PXK: variants seen among roughly 807,000 people sequenced by gnomAD.
The protein encoded by PXK is PX domain containing serine/threonine kinase like.
PXK carries 35 observed loss-of-function variants against 84.7 expected under a neutral mutation model. That is an observed-to-expected ratio of 0.41 (90% CI 0.32 to 0.55). The LOEUF (loss-of-function observed/expected upper bound fraction) is 0.55, where lower values mean the gene tolerates loss of function less well. Ranked by LOEUF, PXK falls within the 20% of genes least tolerant of loss-of-function variation. The pLI, the probability that PXK is intolerant of heterozygous loss-of-function variation, is 0.21. For synonymous variants in PXK, 253 were observed against 260.8 expected, an observed-to-expected ratio of 0.97 and a Z score of 0.29; for missense variants, 634 against 699.7, an observed-to-expected ratio of 0.91 and a Z score of 1.06.
chr3:58,372,101 A>G (rs915081915), intron 3 of PXK, among the ~76,000 whole-genome samples: 3 of 152,196 alleles, frequency 2.0e-5, no homozygotes, highest in Non-Finnish European at 2.9e-5. Flanking sequence ...AAAAAGCAGA[A>G]TGCAAAATTA....
chr3:58,374,043 CA>C lies in PXK; in HGVS notation c.201+4582del, dbSNP rs771908415. On this transcript the variant is annotated intron_variant, in intron 3 of 17. Transcript: ENST00000356151. ...ATGGCGACAGAGCGAGACTCCGTCT[CA>C]AAAAAAAAAAAAAAAAGTTTTCCCT... Among the ~76,000 whole-genome samples the C allele has an allele frequency of 9.5e-3, 829 of 87,662 alleles. 2 individuals carry two copies. The highest frequency in any genetic ancestry group is 0.026 in the African/African-American group (550 of 21,048). The allele number at this position is 87,662 out of a possible 152,430, so 57.5% of individuals were successfully genotyped here.
rs1163590885 is a variant in PXK, at chr3:58,378,121, GA to G, written c.202-4389del. 5.3e-5 allele frequency among the ~76,000 whole-genome samples: 8 copies of G among 152,166 alleles called. 1 individual carries two copies. Among genetic ancestry groups the G allele is most frequent in the African/African-American group, 1.9e-4 (8 of 41,442 alleles). On this transcript the variant is annotated intron_variant, in intron 3 of 17. Transcript: ENST00000356151. ...TAGGCTGGGGTATGCAGGCACATTT[GA>G]AAACATGTACGTACTATACGTGAGG... is the stretch of plus-strand genomic sequence containing the variant.
intron 1 of PXK, among the ~76,000 whole-genome samples, chr3:58,339,385 A>G (rs2097688279): frequency 6.6e-6 from 1 of 151,710 alleles, no homozygotes; most frequent in Admixed American, 6.6e-5. Flanking sequence ...GCCACGTACC[A>G]TGCTCGGCTA....
At chr3:58,366,561 C>T (rs954335738) in intron 2 of PXK, among the ~76,000 whole-genome samples, 8 of 152,274 alleles carry the variant, frequency 5.3e-5, no homozygotes, top group African/African-American at 1.4e-4. Flanking sequence ...TCCACCTCCC[C>T]GCAACACTTC....
Position 58,390,645 on chromosome 3 carries a change from C to A in PXK, c.452C>A (p.Pro151His). ...GAACCAAAGTGGGAGGTGGTGGAAC[C>A]TTTGAAAGACATAGGTGAGACATTG... ...RSEPKWEVVE[P>H]LKDIGWRIRK... Residue 151 changes from proline to histidine, a missense_variant, in exon 5 of 18, where the codon CCT becomes CAT. Physicochemically the swap from Pro to His is moderately conservative, Grantham distance 77. Around this residue, in one of 3 missense-constraint regions of PXK, gnomAD observed 353 missense variants for 385.2 expected, o/e 0.92. Transcript: ENST00000356151. The surrounding 1 kb of genome is among the most constrained non-coding windows in gnomAD (Gnocchi z 4.2). 6.2e-7 allele frequency: 1 copy of A among 1,611,624 alleles called. No individual in the cohort carries two copies. Among genetic ancestry groups the A allele is most frequent in the South Asian group, 1.1e-5 (1 of 90,764 alleles).
chr3:58,341,059 G>T (rs1368302283), intron 1 of PXK, among the ~76,000 whole-genome samples: 2 of 151,406 alleles, frequency 1.3e-5, no homozygotes, highest in African/African-American at 4.9e-5. Context: ...GGAAGTTAAA[G>T]TTGACTCCTC....
chr3:58,382,883 TAA>T (rs1198750798), intron 4 of PXK, among the ~76,000 whole-genome samples, 183 bp downstream of exon 4: 1 of 152,222 alleles, frequency 6.6e-6, no homozygotes, highest in African/African-American at 2.4e-5. Flanking sequence ...AAGAAGAAAA[TAA>T]GTTACTTCCA....
intron 1 of PXK, among the ~76,000 whole-genome samples, chr3:58,334,973 G>C (rs2097564378): frequency 1.3e-5 from 2 of 148,578 alleles, no homozygotes; most frequent in African/African-American, 2.5e-5. Flanking sequence ...GTGTGTGTGT[G>C]TGTGTGTGTG....
intron 13 of PXK, among the ~76,000 whole-genome samples, chr3:58,406,431 C>G (rs919203284): frequency 6.6e-6 from 1 of 151,602 alleles, no homozygotes; most frequent in Non-Finnish European, 1.5e-5. Flanking sequence ...GCGCGTACCA[C>G]CACACCCTGC....
At position 58,397,041 on chromosome 3, in the gene PXK, A is replaced by G. The variant is rs374387658; in HGVS notation, c.825A>G (p.Val275=). The G allele has an allele frequency of 1.2e-6, 2 of 1,613,772 alleles. No individual in the cohort carries two copies. Among genetic ancestry groups the G allele is most frequent in the African/African-American group, 2.7e-5 (2 of 74,940 alleles). ...IKTYGRQILE[V]LKFLHDKGFP... ...AACTTTCCCATATGTTTTGATAGGT[A>G]CTGAAGTTTCTTCATGACAAGGGAT... The change falls in exon 10 of 18, where the codon GTA becomes GTG. Residue 275 remains valine (V), a splice_region_variant and synonymous_variant. Coordinates refer to ENST00000356151, the MANE Select transcript of PXK (RefSeq NM_017771.5). This position sits in a 1 kb window ranked among gnomAD's most constrained non-coding sequence, Gnocchi z 4.7.
chr3:58,351,555 C>G (rs575825793), intron 1 of PXK, among the ~76,000 whole-genome samples: 38 of 152,184 alleles, frequency 2.5e-4, no homozygotes, highest in Middle Eastern at 6.8e-3. Flanking sequence ...GCCACCGTGC[C>G]TGGCCAGGAT....
At chr3:58,378,506 TTTTTTTTGTGTGTGTGTGTG>T in intron 3 of PXK, among the ~76,000 whole-genome samples, 1 of 66,452 alleles carries the variant, frequency 1.5e-5, no homozygotes. Context: ...TTTTTTTTTT[TTTTTTTTGTGTGTGTGTGTG>T]TGTGTGTGTG....
chr3:58,339,314 T>G (rs1365085695), intron 1 of PXK, among the ~76,000 whole-genome samples: 1 of 151,032 alleles, frequency 6.6e-6, no homozygotes, highest in East Asian at 2.0e-4. Flanking sequence ...CACTGCAATC[T>G]CCGCCTCCCA....
chr3:58,387,580 T>C lies in PXK; in HGVS notation c.389-3002T>C, dbSNP rs147409730. 6.5e-3 allele frequency among the ~76,000 whole-genome samples: 995 copies of C among 152,124 alleles called. 8 individuals carry two copies. The highest frequency in any genetic ancestry group is 7.9e-3 in the Non-Finnish European group (538 of 67,978). ...TTGAAGGAAGGCTTCCCAGAAGAGT[T>C]CATTCCTACACGGAGATCTGAGGGG... On this transcript the variant is annotated intron_variant, in intron 4 of 17. Transcript: ENST00000356151.
chr3:58,353,199 G>T (rs528489228), intron 1 of PXK, among the ~76,000 whole-genome samples: 3 of 151,978 alleles, frequency 2.0e-5, no homozygotes, highest in South Asian at 4.2e-4. Flanking sequence ...GGGTTTCACC[G>T]TGTTAGCCAG....
chr3:58,350,017 C>T (rs1021803942), intron 1 of PXK, among the ~76,000 whole-genome samples: 1 of 152,274 alleles, frequency 6.6e-6, no homozygotes, highest in East Asian at 1.9e-4. Context: ...TTATTAGTAC[C>T]TTGGGGAGTT....
chr3:58,347,837 GTTA>G (rs1398450975), intron 1 of PXK, among the ~76,000 whole-genome samples: 1 of 152,182 alleles, frequency 6.6e-6, no homozygotes, highest in African/African-American at 2.4e-5. Flanking sequence ...AATTGCATTA[GTTA>G]TTATCCCAGT....
intron 17 of PXK, chr3:58,422,087 C>T (rs1373299051): frequency 2.0e-6 from 2 of 985,402 alleles, no homozygotes; most frequent in Non-Finnish European, 2.4e-6. Flanking sequence ...CCTGCCCCCT[C>T]TTCCTCCATT....
Position 58,425,749 on chromosome 3 carries a change from T to C in PXK, c.*789T>C, listed in dbSNP as rs754287628. 1 of 152,250 alleles carries C rather than the reference T, an allele frequency of 6.6e-6. No homozygotes were observed. Among genetic ancestry groups the C allele is most frequent in the Non-Finnish European group, 1.5e-5 (1 of 68,032 alleles). The allele number at this position is 152,250 out of a possible 1,614,324, so 9.4% of individuals were successfully genotyped here. On this transcript the variant is annotated 3_prime_UTR_variant, in exon 18 of 18. Coordinates refer to ENST00000356151, the MANE Select transcript of PXK (RefSeq NM_017771.5). Reference sequence around the variant, plus strand: ...AGGTCATTGTTACAACAGAAGTAAATTTGGCATCTATAGAAATCAATTATG... The same window carrying C: ...AGGTCATTGTTACAACAGAAGTAAACTTGGCATCTATAGAAATCAATTATG...
Sources: gnomAD v4.1 joint callset for allele counts (sites outside exome capture counted in the v4.1 genomes callset) on GRCh38, gnomAD v4.1.1 for gene constraint, gnomAD v4.1.1 regional missense constraint, Gnocchi (gnomAD v3.1) non-coding constraint, MANE v1.5 for transcripts, NCBI Gene and HGNC (gene_info 2026-07-23, HGNC 2026-07-21) for gene names.